The following FAM222A variants were observed in gnomAD, a reference collection of about 807,000 sequenced individuals.
FAM222A encodes family with sequence similarity 222 member A.
In FAM222A, 7 loss-of-function variants were observed where a neutral mutation model predicts 25.8. That is an observed-to-expected ratio of 0.27 (90% confidence interval 0.15 to 0.51). The LOEUF is 0.51. FAM222A is among the 20% of genes least tolerant of loss of function. FAM222A has a pLI of 0.97. For missense variants in FAM222A, 573 were observed against 640.5 expected (o/e 0.89, Z 1.14); for synonymous variants, 294 against 298.8 (o/e 0.98, Z 0.17).
intron 1 of FAM222A, among the ~76,000 whole-genome samples, chr12:109,741,803 C>G (rs2136339472): frequency 6.6e-6 from 1 of 152,312 alleles, no homozygotes; most frequent in South Asian, 2.1e-4. Context: ...GAGGTTCCAG[C>G]CTTCCAGCCC....
chr12:109,754,181 C>G (rs1025816473), intron 2 of FAM222A, among the ~76,000 whole-genome samples: 1 of 152,200 alleles, frequency 6.6e-6, no homozygotes, highest in Non-Finnish European at 1.5e-5. Flanking sequence ...CACTGCTTGT[C>G]CACACACTGC....
intron 1 of FAM222A, among the ~76,000 whole-genome samples, chr12:109,731,850 G>A (rs545781959): frequency 2.0e-5 from 3 of 152,310 alleles, no homozygotes; most frequent in African/African-American, 7.2e-5. Flanking sequence ...CCTGGACCAT[G>A]CAGGGAGTGT....
intron 1 of FAM222A, among the ~76,000 whole-genome samples, chr12:109,723,002 T>TGGGGGGGGGGGGGGG (rs141202990): frequency 1.5e-4 from 9 of 61,622 alleles, no homozygotes; most frequent in African/African-American, 3.3e-4. Flanking sequence ...AGGGAGCGGG[T>TGGGGGGGGGGGGGGG]GGGGGGGGGA....
In FAM222A at chr12:109,723,107, A is replaced by G. The variant is rs375902472; in HGVS notation, c.-47+8210A>G. Reference sequence around the variant, plus strand: ...AAATGATGCATTTGTTAACCCAAACATGCAAGCATCCCAGGGTAGCAGCAG... The same window carrying G: ...AAATGATGCATTTGTTAACCCAAACGTGCAAGCATCCCAGGGTAGCAGCAG... On this transcript the variant is annotated intron_variant, in intron 1 of 2. Coordinates refer to ENST00000538780, the MANE Select transcript of FAM222A (RefSeq NM_032829.3). Among the ~76,000 whole-genome samples, 95 of 152,138 alleles carry G rather than the reference A, an allele frequency of 6.2e-4. 1 individual carries two copies. Among genetic ancestry groups the G allele is most frequent in the African/African-American group, 2.1e-3 (89 of 41,480 alleles).
intron 2 of FAM222A, among the ~76,000 whole-genome samples, chr12:109,755,287 CTTTTTTTTTTTTTTTTTTTTT>C (rs540689300): frequency 5.3e-4 from 26 of 49,430 alleles, no homozygotes; most frequent in South Asian, 2.0e-3. Flanking sequence ...TGTAATTCTT[CTTTTTTTTTTTTTTTTTTTTT>C]TTTTTTTTTT....
rs553592298 is a variant in FAM222A, at chr12:109,743,966, G to A, written c.-46-135G>A. The A allele has an allele frequency of 2.7e-3, 3,780 of 1,409,050 alleles. 9 individuals carry two copies. Among genetic ancestry groups the A allele is most frequent in the Non-Finnish European group, 3.2e-3 (3,462 of 1,082,778 alleles). 87.3% of individuals were successfully genotyped at this position (1,409,050 alleles called of 1,614,324 possible). A position where few individuals can be genotyped will look rare whatever the true frequency, so the allele number is the denominator to read the frequency against. On this transcript the variant is annotated intron_variant, in intron 1 of 2. Transcript: ENST00000538780. The stretch of plus-strand genomic sequence containing the variant: ...TCAGGCCTTGGTCCCCTCATTGGTC[G>A]AATAAGGGAAATGGGTGTCTGCTTT...
chr12:109,717,874 T>G (rs1566182303), intron 1 of FAM222A, among the ~76,000 whole-genome samples: 1 of 152,208 alleles, frequency 6.6e-6, no homozygotes, highest in Non-Finnish European at 1.5e-5. Flanking sequence ...AAACTGGGAC[T>G]GGGCTGGACT....
chr12:109,752,128 C>A (rs1433672066), intron 2 of FAM222A, among the ~76,000 whole-genome samples: 1 of 152,214 alleles, frequency 6.6e-6, no homozygotes, highest in Non-Finnish European at 1.5e-5. Context: ...GTCAAGACTC[C>A]CTGCCCTCTG....
At chr12:109,753,688 C>T (rs1888627230) in intron 2 of FAM222A, among the ~76,000 whole-genome samples, 1 of 152,068 alleles carries the variant, frequency 6.6e-6, no homozygotes, top group African/African-American at 2.4e-5. Context: ...AGCAGCTCTT[C>T]CCCAATTCCC....
At chr12:109,715,995 A>C in intron 1 of FAM222A, among the ~76,000 whole-genome samples, 1 of 152,152 alleles carries the variant, frequency 6.6e-6, no homozygotes, top group Non-Finnish European at 1.5e-5. Flanking sequence ...GTTCTACCCC[A>C]AGGTCAGGGG....
At chr12:109,765,023 T>A (rs1257995965) in intron 2 of FAM222A, among the ~76,000 whole-genome samples, 1 of 152,126 alleles carries the variant, frequency 6.6e-6, no homozygotes, top group Non-Finnish European at 1.5e-5. Flanking sequence ...GAGAGCCACC[T>A]ACTTCTTCAC....
chr12:109,765,291 C>G (rs79147816), intron 2 of FAM222A, among the ~76,000 whole-genome samples: 4,377 of 152,332 alleles, frequency 0.029, 213 homozygotes, highest in African/African-American at 0.099. Context: ...ATGACCCACC[C>G]GATGCCAGTA....
chr12:109,751,869 A>G (rs1015434327), intron 2 of FAM222A, among the ~76,000 whole-genome samples: 3 of 152,076 alleles, frequency 2.0e-5, no homozygotes, highest in Admixed American at 1.3e-4. Flanking sequence ...CTCTGCTACT[A>G]TTGGAAGCCT....
intron 2 of FAM222A, among the ~76,000 whole-genome samples, chr12:109,760,858 G>T (rs905307671): frequency 6.6e-6 from 1 of 152,276 alleles, no homozygotes; most frequent in South Asian, 2.1e-4. Context: ...GGAGACCTGG[G>T]CCAGGTGGCC....
rs528154004 is a variant in FAM222A, at chr12:109,736,330, G to A, written c.-46-7771G>A. Among the ~76,000 whole-genome samples, 14 of 152,292 alleles carry A rather than the reference G, an allele frequency of 9.2e-5. No individual in the cohort carries two copies. The South Asian group carries it at 1.0e-3, about 11-fold the overall frequency. On this transcript the variant is annotated intron_variant, in intron 1 of 2. Coordinates refer to ENST00000538780, the MANE Select transcript of FAM222A (RefSeq NM_032829.3). Reference sequence around the variant, plus strand: ...AGCGACCATAAACAATGCTAACAACGGGTACCACTTAGGCAGCTACCACAA... The same window carrying A: ...AGCGACCATAAACAATGCTAACAACAGGTACCACTTAGGCAGCTACCACAA...
intron 1 of FAM222A, 179 bp from the exon 2 acceptor site, chr12:109,743,922 A>C: frequency 1.0e-6 from 1 of 985,438 alleles, no homozygotes; most frequent in Non-Finnish European, 1.2e-6. Context: ...ATGAGGCCAC[A>C]GATGGGCCTC....
At chr12:109,763,926 A>G (rs1252441770) in intron 2 of FAM222A, among the ~76,000 whole-genome samples, 1 of 152,162 alleles carries the variant, frequency 6.6e-6, no homozygotes, top group African/African-American at 2.4e-5. Context: ...AGTCATCAAG[A>G]AAAGCCATGG....
intron 2 of FAM222A, among the ~76,000 whole-genome samples, chr12:109,765,818 C>T (rs1422179107): frequency 2.0e-5 from 3 of 152,244 alleles, no homozygotes; most frequent in South Asian, 2.1e-4. Context: ...TGAAGGGTGG[C>T]ATGAGTCCCC....
At position 109,758,437 on chromosome 12, in the gene FAM222A, C is replaced by G. The variant is rs1351618402; in HGVS notation, c.83-9575C>G. Among the ~76,000 whole-genome samples, 5 of 152,200 alleles carry G rather than the reference C, an allele frequency of 3.3e-5. No homozygotes were observed. In the East Asian group the frequency reaches 9.6e-4, roughly 29 times the overall value. On this transcript the variant is annotated intron_variant, in intron 2 of 2. Coordinates refer to ENST00000538780, the MANE Select transcript of FAM222A (RefSeq NM_032829.3). ...CATCAGGAGAGCTGCAGTCACTTCC[C>G]TGAGGTTCCCTGGCTGGTCACTGGG...
Sources: allele counts gnomAD v4.1 joint callset (sites outside exome capture counted in the v4.1 genomes callset), GRCh38; gene constraint gnomAD v4.1.1; transcripts MANE v1.5; gene names NCBI Gene and HGNC (gene_info 2026-07-23, HGNC 2026-07-21).